The following EPHA6 variants were observed in gnomAD, a reference collection of about 807,000 sequenced individuals.
EPHA6 encodes EPH receptor A6.
Under a neutral mutation model 112.0 loss-of-function variants are expected in EPHA6, and 50 were observed. The ratio of observed to expected loss-of-function variants is 0.45; its 90% CI spans 0.36 to 0.56. The LOEUF (loss-of-function observed/expected upper bound fraction) is 0.56. EPHA6 is among the 20% of genes least tolerant of loss of function. The pLI is 0.00. For synonymous variants in EPHA6, 529 were observed against 490.7 expected (o/e 1.08, Z -1.03); for missense variants, 1,280 against 1,417.4 (o/e 0.90, Z 1.56).
chr3:96,865,167 T>C (rs1233371107), intron 1 of EPHA6, among the ~76,000 whole-genome samples: 1 of 152,108 alleles, frequency 6.6e-6, no homozygotes, highest in Admixed American at 6.6e-5. Flanking sequence ...GTTTTACAAA[T>C]GTATGTTTAG....
chr3:97,168,732 A>C (rs148247533), intron 3 of EPHA6, among the ~76,000 whole-genome samples: 13 of 152,106 alleles, frequency 8.5e-5, no homozygotes, highest in African/African-American at 2.9e-4. Context: ...GTACAGCCCC[A>C]AAGAATGGTC....
chr3:97,714,754 C>G (rs1289367425), intron 14 of EPHA6, among the ~76,000 whole-genome samples: 3 of 152,140 alleles, frequency 2.0e-5, no homozygotes, highest in African/African-American at 7.2e-5. Flanking sequence ...TGAATTAAGG[C>G]AGAAGGCCCC....
At chr3:97,562,191 T>C (rs1461208475) in intron 11 of EPHA6, among the ~76,000 whole-genome samples, 1 of 152,146 alleles carries the variant, frequency 6.6e-6, no homozygotes, top group African/African-American at 2.4e-5. Context: ...TTCAATGTTA[T>C]TATTTCGGAA....
At chr3:97,277,219 C>T (rs1341987736) in intron 5 of EPHA6, among the ~76,000 whole-genome samples, 4 of 151,626 alleles carry the variant, frequency 2.6e-5, no homozygotes, top group East Asian at 3.9e-4. Context: ...GGGCTGAGTC[C>T]GAAAAGAGAG....
intron 3 of EPHA6, among the ~76,000 whole-genome samples, chr3:97,196,291 A>G (rs1271932457): frequency 6.6e-6 from 1 of 151,524 alleles, no homozygotes; most frequent in Non-Finnish European, 1.5e-5. Flanking sequence ...CAATATTTCA[A>G]CTGAATCTTT....
chr3:97,747,643 A>G, intron 17 of EPHA6, 71 bp downstream of exon 17: 4 of 1,350,104 alleles, frequency 3.0e-6, no homozygotes, highest in Non-Finnish European at 3.9e-6. Flanking sequence ...TGCTGTATCA[A>G]GAACACCTTT....
At chr3:97,317,114 G>A (rs1482708891) in intron 5 of EPHA6, among the ~76,000 whole-genome samples, 5 of 151,334 alleles carry the variant, frequency 3.3e-5, no homozygotes, top group Non-Finnish European at 5.9e-5. Context: ...ACTTATTGTT[G>A]CCATCTCAGG....
chr3:96,864,553 T>C (rs1188571068), intron 1 of EPHA6, among the ~76,000 whole-genome samples: 2 of 152,026 alleles, frequency 1.3e-5, no homozygotes, highest in East Asian at 3.9e-4. Context: ...GGAAAGGGAT[T>C]TCTTATAAAG....
chr3:96,931,089 G>A (rs1033229774), intron 2 of EPHA6, among the ~76,000 whole-genome samples: 2 of 150,930 alleles, frequency 1.3e-5, no homozygotes, highest in African/African-American at 4.9e-5. Context: ...AGCCCTGATT[G>A]TTATGGGTTT....
intron 2 of EPHA6, among the ~76,000 whole-genome samples, chr3:96,969,509 T>C (rs1372123473): frequency 6.6e-6 from 1 of 151,946 alleles, no homozygotes; most frequent in Admixed American, 6.6e-5. Context: ...GTCTAATATA[T>C]TTTGAAAAAC....
At chr3:96,870,921 G>A (rs1331095819) in intron 2 of EPHA6, among the ~76,000 whole-genome samples, 2 of 151,976 alleles carry the variant, frequency 1.3e-5, no homozygotes, top group African/African-American at 4.8e-5. Flanking sequence ...CATAGTAGAA[G>A]ATTTCAGTAT....
chr3:97,675,064 G>A (rs902095985), intron 14 of EPHA6, among the ~76,000 whole-genome samples: 1 of 152,098 alleles, frequency 6.6e-6, no homozygotes, highest in Non-Finnish European at 1.5e-5. Flanking sequence ...AGAAACAACA[G>A]CACATTATTA....
At chr3:96,973,135 T>G (rs754960142) in intron 2 of EPHA6, among the ~76,000 whole-genome samples, 6 of 152,166 alleles carry the variant, frequency 3.9e-5, no homozygotes, top group Admixed American at 6.6e-5. Context: ...TTATTTAGCT[T>G]GCTATAGAAA....
intron 3 of EPHA6, among the ~76,000 whole-genome samples, chr3:97,132,197 T>A (rs1032934266): frequency 6.6e-6 from 1 of 152,074 alleles, no homozygotes; most frequent in African/African-American, 2.4e-5. Context: ...TAGTTTAAAA[T>A]CAATGCATAT....
chr3:97,041,903 G>A (rs1162330428), intron 3 of EPHA6, among the ~76,000 whole-genome samples: 14 of 152,002 alleles, frequency 9.2e-5, no homozygotes, highest in African/African-American at 3.4e-4. Flanking sequence ...CTCCCCTTAG[G>A]CCCCTCCTCC....
intron 6 of EPHA6, among the ~76,000 whole-genome samples, chr3:97,440,857 C>T (rs1027399032): frequency 2.0e-4 from 31 of 151,316 alleles, no homozygotes; most frequent in Middle Eastern, 3.5e-3. Context: ...ATGTTATTTA[C>T]GTATGGAAGA....
chr3:97,509,610 C>T (rs766855526), intron 10 of EPHA6, among the ~76,000 whole-genome samples: 23 of 152,080 alleles, frequency 1.5e-4, no homozygotes, highest in Admixed American at 4.6e-4. Flanking sequence ...TCTCTGGCTG[C>T]CCTTAACATT....
Position 97,646,074 on chromosome 3 carries a change from C to T in EPHA6, c.2784+7992C>T, listed in dbSNP as rs548165230. On this transcript the variant is annotated intron_variant, in intron 14 of 17. Transcript: ENST00000389672. ...AAGCTATCCTTTTCTAATCAAAATA[C>T]GGACAGAATAGGCATTTTCCATTAA... is the stretch of plus-strand genomic sequence containing the variant. 1.7e-3 allele frequency: 2,386 copies of T among 1,389,836 alleles called. 5 individuals are homozygous for T. The highest frequency in any genetic ancestry group is 1.9e-3 in the Non-Finnish European group (1,973 of 1,037,398). The allele number at this position is 1,389,836 out of a possible 1,614,324, so 86.1% of individuals were successfully genotyped here.
At chr3:97,249,256 T>TTCTG (rs2079066920) in intron 5 of EPHA6, among the ~76,000 whole-genome samples, 1 of 152,148 alleles carries the variant, frequency 6.6e-6, no homozygotes. Context: ...TATAAAATAT[T>TTCTG]TCTGTCTTCA....
Sources: gnomAD v4.1 joint callset for allele counts (sites outside exome capture counted in the v4.1 genomes callset) on GRCh38, gnomAD v4.1.1 for gene constraint, MANE v1.5 for transcripts, NCBI Gene and HGNC (gene_info 2026-07-23, HGNC 2026-07-21) for gene names.